The following MRPL27 variants were observed in gnomAD, a reference collection of about 807,000 sequenced individuals.
MRPL27 encodes large ribosomal subunit protein bL27m.
MRPL27 carries 4 observed loss-of-function variants against 14.6 expected under a neutral mutation model. That is an observed-to-expected ratio of 0.27 (90% CI 0.14 to 0.63). The LOEUF is 0.63. MRPL27 is among the 20% of genes least tolerant of loss of function. The probability of loss-of-function intolerance (pLI) is 0.85; values close to 1 mark genes in which losing one functional copy is unlikely to be tolerated. For synonymous variants in MRPL27, 82 were observed against 75.5 expected, an observed-to-expected ratio of 1.09 and a Z score of -0.45; for missense variants, 196 against 192.8, an observed-to-expected ratio of 1.02 and a Z score of -0.10.
chr17:50,371,484 T>G (rs16948961), intron 1 of MRPL27, among the ~76,000 whole-genome samples: 8,101 of 152,302 alleles, frequency 0.053, 752 homozygotes, highest in African/African-American at 0.18. Context: ...TAGCATTCAT[T>G]TGCAGAAGTA....
chr17:50,370,998 T>TC (rs1913114783), intron 1 of MRPL27: 1 of 157,646 alleles, frequency 6.3e-6, no homozygotes, highest in African/African-American at 2.5e-5. Context: ...CTTTCTTTCT[T>TC]TTTTTTTTTT....
intron 1 of MRPL27, among the ~76,000 whole-genome samples, chr17:50,371,760 C>T (rs1457729586): frequency 6.6e-6 from 1 of 152,144 alleles, no homozygotes; most frequent in Non-Finnish European, 1.5e-5. Flanking sequence ...ACATGCCCGG[C>T]GCCAGGATCT....
intron 1 of MRPL27, chr17:50,371,142 G>A (rs142666465): frequency 2.1e-4 from 32 of 152,926 alleles, no homozygotes; most frequent in Non-Finnish European, 4.1e-4. Context: ...ACAGGTGTAC[G>A]CCACCACGCC....
At chr17:50,370,657 T>A in intron 1 of MRPL27, 71 bp from the exon 2 acceptor site, 1 of 1,601,314 alleles carries the variant, frequency 6.2e-7, no homozygotes, top group Non-Finnish European at 8.5e-7. Flanking sequence ...GGCCACATGC[T>A]GATACGTGAG....
At chr17:50,370,692 G>C in intron 1 of MRPL27, 106 bp from the exon 2 acceptor site, 1 of 1,505,202 alleles carries the variant, frequency 6.6e-7, no homozygotes, top group Non-Finnish European at 9.1e-7. Flanking sequence ...TGAGAAAGCT[G>C]TGTCAGGGGA....
intron 1 of MRPL27, chr17:50,370,886 T>C (rs1239053544): frequency 3.1e-6 from 1 of 322,148 alleles, no homozygotes; most frequent in Non-Finnish European, 6.0e-6. Flanking sequence ...GAGAGCTGCC[T>C]GCTTCAGAGG....
chr17:50,370,313 A>T, intron 2 of MRPL27, 142 bp downstream of exon 2: 1 of 1,379,256 alleles, frequency 7.3e-7, no homozygotes, highest in Non-Finnish European at 1.0e-6. Context: ...ACCCTTCCTC[A>T]GGTCTTATCC....
At chr17:50,370,310 C>T (rs1567812211) in intron 2 of MRPL27, 145 bp downstream of exon 2, 1 of 1,377,422 alleles carries the variant, frequency 7.3e-7, no homozygotes, top group Non-Finnish European at 1.0e-6. Context: ...ATGACCCTTC[C>T]TCAGGTCTTA....
Position 50,367,979 on chromosome 17 carries a change from T to A in MRPL27, c.*113A>T. On this transcript the variant is annotated 3_prime_UTR_variant, in exon 4 of 4. Transcript: ENST00000225969. Reference sequence around the variant, plus strand: ...TTCAGAGTCTCCTGCAGAGTCACCATCAAGCAGACCTCTTCCTCGGGAGGC... The same window carrying A: ...TTCAGAGTCTCCTGCAGAGTCACCAACAAGCAGACCTCTTCCTCGGGAGGC... 1 of 1,168,696 alleles carries A rather than the reference T, an allele frequency of 8.6e-7. No homozygotes were observed. The highest frequency in any genetic ancestry group is 1.2e-6 in the Non-Finnish European group (1 of 814,356). The allele number at this position is 1,168,696 out of a possible 1,614,324, so 72.4% of individuals were successfully genotyped here.
chr17:50,370,522 C>T lies in MRPL27; in HGVS notation c.105G>A (p.Ser35=), dbSNP rs551701440. ...ALAVRYASKK[S]GGSSKNLGGK... The stretch of plus-strand genomic sequence containing the variant: ...CACCGAGGTTTTTGGAGCTACCACC[C>T]GACTTCTTGGATGCGTATCTGACAG... Residue 35 remains serine (S), a synonymous_variant, in exon 2 of 4, where the codon TCG becomes TCA. Transcript: ENST00000225969. The T allele has an allele frequency of 4.3e-6, 7 of 1,614,174 alleles. No individual in the cohort carries two copies. Among genetic ancestry groups the T allele is most frequent in the African/African-American group, 4.0e-5 (3 of 75,046 alleles).
At chr17:50,371,755 C>A (rs1382597248) in intron 1 of MRPL27, among the ~76,000 whole-genome samples, 1 of 152,162 alleles carries the variant, frequency 6.6e-6, no homozygotes, top group East Asian at 1.9e-4. Context: ...TTAAAACATG[C>A]CCGGCGCCAG....
At chr17:50,370,706 G>T in intron 1 of MRPL27, 120 bp from the exon 2 acceptor site, 2 of 1,371,536 alleles carry the variant, frequency 1.5e-6, no homozygotes, top group Non-Finnish European at 1.0e-6. Context: ...CAGGGGAGCA[G>T]AAGTGCCACT....
intron 3 of MRPL27, chr17:50,369,083 T>G (rs997416454): frequency 1.8e-6 from 1 of 557,192 alleles, no homozygotes; most frequent in Admixed American, 3.5e-5. Context: ...CTTACTCCTG[T>G]GTGGTCTTAG....
Position 50,368,111 on chromosome 17 carries a change from T to C in MRPL27, c.428A>G (p.Lys143Arg), listed in dbSNP as rs1913014404. The change falls in exon 4 of 4, where the codon AAA becomes AGA. Residue 143 changes from lysine (K) to arginine (R), a missense_variant. Transcript: ENST00000225969. ...VVPAKPEGTF[K>R]LVAML Reference sequence around the variant, plus strand: ...AGGACATCAAAGCATAGCTACCAGTTTGAAGGTGCCCTCAGGCTTGGCAGG... The same window carrying C: ...AGGACATCAAAGCATAGCTACCAGTCTGAAGGTGCCCTCAGGCTTGGCAGG... The C allele has an allele frequency of 6.2e-7, 1 of 1,614,044 alleles. No homozygotes were observed. Among genetic ancestry groups the C allele is most frequent in the Admixed American group, 1.7e-5 (1 of 60,006 alleles).
rs754739605 is a variant in MRPL27, at chr17:50,370,537, G to A, written c.90C>T (p.Tyr30=). The change falls in exon 2 of 4, where the codon TAC becomes TAT. Residue 30 remains tyrosine (Y), a synonymous_variant. Transcript: ENST00000225969. ...PTPATALAVR[Y]ASKKSGGSSK... ...AGCTACCACCCGACTTCTTGGATGC[G>A]TATCTGACAGCAAGAGCTGTAGCCG... 15 of 1,614,034 alleles carry A rather than the reference G, an allele frequency of 9.3e-6. No homozygotes were observed. Among genetic ancestry groups the A allele is most frequent in the Middle Eastern group, 1.6e-4 (1 of 6,082 alleles).
intron 3 of MRPL27, 64 bp from the exon 4 acceptor site, chr17:50,368,362 G>A (rs1218428975): frequency 6.5e-7 from 1 of 1,537,446 alleles, no homozygotes; most frequent in Non-Finnish European, 8.9e-7. Context: ...CCAGAATTTT[G>A]GGACAGACTT....
At position 50,372,825 on chromosome 17, in the gene MRPL27, C is replaced by G. The variant is rs905864579; in HGVS notation, c.40+306G>C. The stretch of plus-strand genomic sequence containing the variant: ...GAATCAATAGATTAATTTTTTCAAC[C>G]CCAATATGCCAATGTTACTAATACT... On this transcript the variant is annotated intron_variant, in intron 1 of 3. Coordinates refer to ENST00000225969, the MANE Select transcript of MRPL27 (RefSeq NM_016504.3). 4 of 431,788 alleles carry G rather than the reference C, an allele frequency of 9.3e-6. No individual in the cohort carries two copies. In the Admixed American group the frequency reaches 1.7e-4, roughly 18 times the overall value. The allele number at this position is 431,788 out of a possible 1,614,324, so 26.7% of individuals were successfully genotyped here.
chr17:50,373,076 G>T, intron 1 of MRPL27, 55 bp downstream of exon 1: 2 of 1,611,242 alleles, frequency 1.2e-6, no homozygotes, highest in Non-Finnish European at 8.5e-7. Flanking sequence ...CCTCCCTGCT[G>T]GAGCTCCACT....
intron 1 of MRPL27, chr17:50,370,993 TTTC>T: frequency 3.0e-5 from 5 of 164,342 alleles, no homozygotes; most frequent in Non-Finnish European, 5.3e-5. Context: ...CACGACTTTC[TTTC>T]TTTTTTTTTT....
Sources: allele counts gnomAD v4.1 joint callset (sites outside exome capture counted in the v4.1 genomes callset), GRCh38; gene constraint gnomAD v4.1.1; transcripts MANE v1.5; gene names NCBI Gene and HGNC (gene_info 2026-07-23, HGNC 2026-07-21).